Variants in PRAMEF20 observed in about 807,000 individuals in gnomAD.
PRAMEF20 encodes the protein PRAME family member 20, also known as PRAME family member 20/21.
In PRAMEF20, 27 loss-of-function variants were observed where a neutral mutation model predicts 32.4. The observed-to-expected ratio is 0.83, with a 90% CI of 0.61 to 1.15. PRAMEF20 has a LOEUF of 1.15. Among genes scored for constraint, PRAMEF20 ranks in the 50% most tolerant of loss-of-function variants. The pLI is 0.00. For synonymous variants in PRAMEF20, 256 were observed against 235.4 expected (o/e 1.09, Z -0.80); for missense variants, 604 against 584.5 (o/e 1.03, Z -0.34).
chr1:13,413,276 C>G (rs1196474890), upstream of PRAMEF20, among the ~76,000 whole-genome samples: 5 of 152,306 alleles, frequency 3.3e-5, no homozygotes, highest in African/African-American at 1.2e-4. Context: ...CTAATTCAAT[C>G]AGTTAATCTG....
intron 1 of PRAMEF20, 63 bp from the exon 3 acceptor site, chr1:13,418,059 C>T (rs2100435652): frequency 1.2e-6 from 2 of 1,609,298 alleles, no homozygotes; most frequent in South Asian, 2.2e-5. Context: ...CAAGCGTGAG[C>T]CACTGAGCCC....
exon 3 of PRAMEF20, chr1:13,420,805 G>A: frequency 1.9e-6 from 3 of 1,613,938 alleles, no homozygotes; most frequent in Non-Finnish European, 2.5e-6. Context: ...TAAAGACCCT[G>A]GACCTGAGTG....
upstream of PRAMEF20, among the ~76,000 whole-genome samples, chr1:13,413,937 T>G (rs1344187399): frequency 2.0e-5 from 3 of 152,184 alleles, no homozygotes; most frequent in Admixed American, 6.6e-5. Context: ...TGGCTTTGAA[T>G]TTTTCTCTAA....
At chr1:13,420,587 C>G in intron 2 of PRAMEF20, 110 bp from the exon 4 acceptor site, 1 of 1,422,502 alleles carries the variant, frequency 7.0e-7, no homozygotes, top group South Asian at 1.2e-5. Context: ...ATCAGAATGA[C>G]CCTGGGCTTG....
At chr1:13,416,296 A>G, upstream of PRAMEF20, 3 of 1,611,968 alleles carry the variant, frequency 1.9e-6, no homozygotes, top group African/African-American at 2.7e-5. Flanking sequence ...GCTTGGCCTG[A>G]GAGTGATGCC....
chr1:13,417,908 ATTTGTG>A (rs1553130363), intron 1 of PRAMEF20, among the ~76,000 whole-genome samples: 1,683 of 42,572 alleles, frequency 0.04, 46 homozygotes, highest in Non-Finnish European at 0.064. Context: ...CGCCCGGCTA[ATTTGTG>A]TGTGTGTGTG....
chr1:13,421,126 A>G (rs1239752652), exon 3 of PRAMEF20: 9 of 1,613,790 alleles, frequency 5.6e-6, no homozygotes, highest in Middle Eastern at 1.6e-4. Flanking sequence ...GATTTGCCCA[A>G]CTTGGGGCTG....
chr1:13,420,059 G>T (rs1180938190), intron 2 of PRAMEF20, among the ~76,000 whole-genome samples: 1 of 152,168 alleles, frequency 6.6e-6, no homozygotes, highest in African/African-American at 2.4e-5. Context: ...TCCTGCCTGG[G>T]TTTGTCCTTT....
intron 1 of PRAMEF20, among the ~76,000 whole-genome samples, chr1:13,417,715 A>G (rs925036332): frequency 2.0e-5 from 3 of 148,012 alleles, no homozygotes; most frequent in Admixed American, 6.8e-5. Flanking sequence ...GATGTGAAGT[A>G]TAAGTTCAGA....
chr1:13,414,082 C>G (rs1296880057), upstream of PRAMEF20, among the ~76,000 whole-genome samples: 1 of 152,086 alleles, frequency 6.6e-6, no homozygotes, highest in African/African-American at 2.4e-5. Context: ...CATTCTGTTG[C>G]CCAGGCTGGA....
upstream of PRAMEF20, among the ~76,000 whole-genome samples, chr1:13,415,767 G>A (rs1641161588): frequency 1.4e-5 from 2 of 137,980 alleles, no homozygotes; most frequent in African/African-American, 5.2e-5. Context: ...TCCAGCCTGG[G>A]TGACAGAGCA....
chr1:13,415,585 A>G (rs1641160158), upstream of PRAMEF20, among the ~76,000 whole-genome samples: 1 of 152,006 alleles, frequency 6.6e-6, no homozygotes, highest in African/African-American at 2.4e-5. Flanking sequence ...GTTCAAGACC[A>G]GCCTGGGCAA....
At chr1:13,415,025 T>G (rs1423381026), upstream of PRAMEF20, among the ~76,000 whole-genome samples, 2 of 149,934 alleles carry the variant, frequency 1.3e-5, no homozygotes, top group Non-Finnish European at 3.0e-5. Context: ...GTCTTAAGAG[T>G]GATAGCTTTG....
chr1:13,418,009 T>G, intron 1 of PRAMEF20, 113 bp from the exon 3 acceptor site: 1 of 1,553,076 alleles, frequency 6.4e-7, no homozygotes, highest in Non-Finnish European at 8.8e-7. Context: ...CTCCTGACCT[T>G]GTGATCCGCC....
At chr1:13,410,623 T>TC in the PRAMEF20 span, 3 of 149,956 alleles carry the variant, frequency 2.0e-5, no homozygotes, top group Non-Finnish European at 4.5e-5. Context: ...ATCCTGTCTT[T>TC]TTTTTTTTTT....
exon 3 of PRAMEF20, chr1:13,420,895 C>G (rs1641235401): frequency 6.2e-7 from 1 of 1,613,770 alleles, no homozygotes; most frequent in African/African-American, 1.3e-5. Context: ...AGTACCTGGA[C>G]TTAGATGACT....
chr1:13,413,865 A>G (rs972926261), upstream of PRAMEF20, among the ~76,000 whole-genome samples: 38,519 of 151,890 alleles, frequency 0.25, 4,957 homozygotes, highest in Middle Eastern at 0.3. Context: ...AGCCAGTCTC[A>G]TAGTTTCAGG....
At chr1:13,417,965 G>A (rs966749026) in intron 1 of PRAMEF20, among the ~76,000 whole-genome samples, 157 bp from the exon 3 acceptor site, 10 of 106,920 alleles carry the variant, frequency 9.4e-5, no homozygotes, top group East Asian at 5.8e-4. Context: ...TAGTAGAGAC[G>A]GGGTTTCACC....
chr1:13,420,242 G>T (rs1319462382), intron 2 of PRAMEF20, among the ~76,000 whole-genome samples: 2 of 151,946 alleles, frequency 1.3e-5, no homozygotes, highest in African/African-American at 2.4e-5. Context: ...ACAGAGTCTC[G>T]CTCTGTCACC....
Sources: gnomAD v4.1 joint callset for allele counts (sites outside exome capture counted in the v4.1 genomes callset) on GRCh38, gnomAD v4.1.1 for gene constraint, MANE v1.5 for transcripts, NCBI Gene and HGNC (gene_info 2026-07-23, HGNC 2026-07-21) for gene names.